The following ZBTB20 variants were observed in gnomAD, a reference collection of about 807,000 sequenced individuals.
ZBTB20 encodes zinc finger and BTB domain-containing protein 20.
Under a neutral mutation model 56.9 loss-of-function variants are expected in ZBTB20, and 9 were observed. The observed-to-expected ratio is 0.16, with a 90% confidence interval of 0.10 to 0.28. The LOEUF (loss-of-function observed/expected upper bound fraction) is 0.28. Ranked by LOEUF, ZBTB20 falls within the 10% of genes least tolerant of loss-of-function variation. The pLI is 1.00. For missense variants in ZBTB20, 655 were observed against 1,003.0 expected (o/e 0.65, Z 4.69); for synonymous variants, 417 against 420.7 (o/e 0.99, Z 0.11).
intron 7 of ZBTB20, among the ~76,000 whole-genome samples, chr3:114,443,611 C>T (rs962403100): frequency 4.6e-5 from 7 of 152,080 alleles, no homozygotes; most frequent in Non-Finnish European, 1.0e-4. Flanking sequence ...TCCTGTTACA[C>T]AAAAATCATT....
intron 5 of ZBTB20, among the ~76,000 whole-genome samples, chr3:114,712,099 G>C (rs572422460): frequency 6.6e-6 from 1 of 152,128 alleles, no homozygotes; most frequent in South Asian, 2.1e-4. Flanking sequence ...CCAGTATGAC[G>C]TGATTATCAG....
At chr3:115,054,585 C>T (rs2108449407) in intron 2 of ZBTB20, among the ~76,000 whole-genome samples, 1 of 152,094 alleles carries the variant, frequency 6.6e-6, no homozygotes, top group South Asian at 2.1e-4. Flanking sequence ...CTACATAGTT[C>T]AAGTGAAAAT....
intron 3 of ZBTB20, among the ~76,000 whole-genome samples, chr3:114,918,809 C>T (rs2075843057): frequency 1.3e-5 from 2 of 152,212 alleles, no homozygotes; most frequent in Admixed American, 1.3e-4. Context: ...TTCAGAGCTA[C>T]CAATTGCATT....
At chr3:115,116,736 G>C (rs76693137) in intron 1 of ZBTB20, among the ~76,000 whole-genome samples, 2 of 151,866 alleles carry the variant, frequency 1.3e-5, no homozygotes, top group Non-Finnish European at 2.9e-5. Flanking sequence ...CAGAGACAGA[G>C]AGAAAGAAAA....
chr3:114,921,336 T>A (rs1199090015), intron 3 of ZBTB20, among the ~76,000 whole-genome samples: 2 of 152,162 alleles, frequency 1.3e-5, no homozygotes, highest in East Asian at 3.9e-4. Flanking sequence ...TTGGCCAGGC[T>A]GGTCTCAACC....
chr3:114,758,678 A>G (rs1339326788), intron 5 of ZBTB20, among the ~76,000 whole-genome samples: 1 of 152,184 alleles, frequency 6.6e-6, no homozygotes, highest in African/African-American at 2.4e-5. Flanking sequence ...CTGCTAATAA[A>G]GACAAACAAC....
chr3:114,567,746 C>T (rs527444369), intron 6 of ZBTB20, among the ~76,000 whole-genome samples: 3 of 152,234 alleles, frequency 2.0e-5, no homozygotes, highest in East Asian at 3.9e-4. Context: ...GTTCACCAAA[C>T]GGAACTGACA....
At chr3:114,385,061 CCT>C (rs1414883515) in intron 8 of ZBTB20, among the ~76,000 whole-genome samples, 2 of 152,116 alleles carry the variant, frequency 1.3e-5, no homozygotes, top group African/African-American at 4.8e-5. Flanking sequence ...GGGCTCCCAC[CCT>C]CTCTTGCACG....
chr3:114,856,292 T>C (rs2075251451), intron 4 of ZBTB20, among the ~76,000 whole-genome samples: 1 of 152,176 alleles, frequency 6.6e-6, no homozygotes, highest in African/African-American at 2.4e-5. Context: ...AGTATTATTA[T>C]GATTATGCCC....
chr3:115,063,159 A>G (rs985999828), intron 2 of ZBTB20, among the ~76,000 whole-genome samples: 2 of 152,188 alleles, frequency 1.3e-5, no homozygotes, highest in East Asian at 3.9e-4. Flanking sequence ...ATTCCTGCAG[A>G]TAACAAAAAT....
At chr3:115,058,680 G>A (rs973873870) in intron 2 of ZBTB20, among the ~76,000 whole-genome samples, 4 of 152,074 alleles carry the variant, frequency 2.6e-5, no homozygotes, top group Non-Finnish European at 4.4e-5. Flanking sequence ...AGTAAGCCAC[G>A]ATGTGCCACT....
At chr3:114,609,348 A>T (rs1339753688) in intron 6 of ZBTB20, among the ~76,000 whole-genome samples, 1 of 152,204 alleles carries the variant, frequency 6.6e-6, no homozygotes, top group Non-Finnish European at 1.5e-5. Context: ...GACTATAAAG[A>T]ATATTCGTTA....
At chr3:114,654,114 TTTG>T (rs558671012) in intron 6 of ZBTB20, among the ~76,000 whole-genome samples, 9 of 151,980 alleles carry the variant, frequency 5.9e-5, no homozygotes, top group African/African-American at 1.7e-4. Context: ...GTTTTCTGCC[TTTG>T]TTATTTGTTT....
Position 115,036,048 on chromosome 3 carries a change from C to T in ZBTB20, c.-507+35171G>A, listed in dbSNP as rs76504383. 4.8e-3 allele frequency among the ~76,000 whole-genome samples: 735 copies of T among 152,102 alleles called. 4 individuals carry two copies. Among genetic ancestry groups the T allele is most frequent in the African/African-American group, 0.017 (701 of 41,504 alleles). On this transcript the variant is annotated intron_variant, in intron 2 of 11. Coordinates refer to ENST00000675478, the MANE Select transcript of ZBTB20 (RefSeq NM_001348800.3). ...TAAATCATAAAGACAGAAAGTACAA[C>T]GGTGGTTGCCAGGTTGCTGGTGGGA...
At chr3:114,991,312 T>C (rs1377662124) in intron 2 of ZBTB20, among the ~76,000 whole-genome samples, 4 of 152,198 alleles carry the variant, frequency 2.6e-5, no homozygotes, top group Non-Finnish European at 5.9e-5. Flanking sequence ...TGTGTCTTTG[T>C]TCTCATTGGT....
chr3:114,510,134 G>A (rs1337828726), intron 6 of ZBTB20, among the ~76,000 whole-genome samples: 2 of 152,070 alleles, frequency 1.3e-5, no homozygotes, highest in African/African-American at 4.8e-5. Flanking sequence ...CAAAAATAAG[G>A]CTAGTATCCT....
intron 7 of ZBTB20, among the ~76,000 whole-genome samples, chr3:114,430,209 G>A (rs1441574302): frequency 2.0e-5 from 3 of 152,204 alleles, no homozygotes; most frequent in Admixed American, 2.0e-4. Context: ...AAGATAACAT[G>A]TGAGTGCCTA....
At chr3:114,461,078 A>G (rs1347282827) in intron 7 of ZBTB20, among the ~76,000 whole-genome samples, 2 of 152,144 alleles carry the variant, frequency 1.3e-5, no homozygotes, top group African/African-American at 4.8e-5. Flanking sequence ...GTGGTTTGGC[A>G]ATTGTATCTC....
chr3:114,910,882 T>C (rs2075508060), intron 3 of ZBTB20, among the ~76,000 whole-genome samples: 1 of 152,078 alleles, frequency 6.6e-6, no homozygotes, highest in Non-Finnish European at 1.5e-5. Flanking sequence ...AAATAAAGCA[T>C]AATTTTTGGT....
Sources: allele counts gnomAD v4.1 joint callset (sites outside exome capture counted in the v4.1 genomes callset), GRCh38; gene constraint gnomAD v4.1.1; transcripts MANE v1.5; gene names NCBI Gene and HGNC (gene_info 2026-07-23, HGNC 2026-07-21).